PKP2: variants seen among roughly 807,000 people sequenced by gnomAD.
The protein encoded by PKP2 is plakophilin-2.
A neutral mutation model predicts 83.4 loss-of-function variants in PKP2; 73 were observed. The ratio of observed to expected loss-of-function variants is 0.88; its 90% CI spans 0.72 to 1.06. PKP2 has a LOEUF of 1.06. Ranked by LOEUF, PKP2 falls within the 50% of genes least tolerant of loss-of-function variation. The pLI, the probability that PKP2 is intolerant of heterozygous loss-of-function variation, is 0.00. For missense variants in PKP2, 966 were observed against 1,065.4 expected, an observed-to-expected ratio of 0.91 and a Z score of 1.30; for synonymous variants, 409 against 430.4, an observed-to-expected ratio of 0.95 and a Z score of 0.62.
Position 32,896,704 on chromosome 12 carries a change from A to G in PKP2, c.28T>C (p.Tyr10His), listed in dbSNP as rs1237779872. 2 of 1,500,812 alleles carry G rather than the reference A, an allele frequency of 1.3e-6. No homozygotes were observed. Among genetic ancestry groups the G allele is most frequent in the Non-Finnish European group, 8.8e-7 (1 of 1,130,372 alleles). The allele number at this position is 1,500,812 out of a possible 1,614,324, so 93.0% of individuals were successfully genotyped here. A position where few individuals can be genotyped will look rare whatever the true frequency, so the allele number is the denominator to read the frequency against. The change falls in exon 1 of 13, where the codon TAC (tyrosine) becomes CAC (histidine). Residue 10 changes from tyrosine (Y) to histidine (H), a missense_variant. Transcript: ENST00000340811. ...CCCAGGACGGTCCGGATGTAGCCGT[A>G]CTCAGCTGGGGCGCCGGGGGCTGCC... Reference protein sequence around the residue: MAAPGAPAEYGYIRTVLGQQ... With the variant: MAAPGAPAEHGYIRTVLGQQ...
At chr12:32,810,413 C>T (rs1956266408) in intron 9 of PKP2, among the ~76,000 whole-genome samples, 1 of 152,062 alleles carries the variant, frequency 6.6e-6, no homozygotes, top group Non-Finnish European at 1.5e-5. Flanking sequence ...CTGGTGACTT[C>T]ATTACCAGTC....
rs1488252846 is a variant in PKP2 at position 32,833,596 on chromosome 12, A to G, written c.1556+7432T>C. Among the ~76,000 whole-genome samples, 3 of 152,186 alleles carry G rather than the reference A, an allele frequency of 2.0e-5. No homozygotes were observed. In the East Asian group the frequency reaches 5.8e-4, roughly 29 times the overall value. ...ACTCCAGCTAGATTTCCAGTGTAAG[A>G]GACAATGAAAATTTCTTTTAAGAAT... is the stretch of plus-strand genomic sequence containing the variant. On this transcript the variant is annotated intron_variant, in intron 6 of 12. Coordinates refer to ENST00000340811, the MANE Select transcript of PKP2 (RefSeq NM_001005242.3).
chr12:32,795,385 T>TC (rs1041642779), intron 11 of PKP2, among the ~76,000 whole-genome samples: 1 of 151,962 alleles, frequency 6.6e-6, no homozygotes, highest in African/African-American at 2.4e-5. Context: ...TGCTTTTTTT[T>TC]TTTTTTCTTT....
At chr12:32,871,634 T>A (rs1260479510) in intron 3 of PKP2, among the ~76,000 whole-genome samples, 1 of 151,976 alleles carries the variant, frequency 6.6e-6, no homozygotes, top group Non-Finnish European at 1.5e-5. Flanking sequence ...CCCGGCTAAT[T>A]TTTCTATTTG....
At chr12:32,792,948 C>T (rs1956085215) in intron 11 of PKP2, 2 of 561,048 alleles carry the variant, frequency 3.6e-6, no homozygotes, top group South Asian at 3.9e-5. Flanking sequence ...TAGCACAGTG[C>T]TAATAAATAA....
At chr12:32,896,434 G>T in intron 1 of PKP2, 75 bp downstream of exon 1, 1 of 1,139,120 alleles carries the variant, frequency 8.8e-7, no homozygotes, top group Non-Finnish European at 1.2e-6. Flanking sequence ...CAGCACGCGG[G>T]GTGAGGGCGG....
At chr12:32,843,530 G>A (rs746202487) in intron 5 of PKP2, among the ~76,000 whole-genome samples, 2 of 152,184 alleles carry the variant, frequency 1.3e-5, no homozygotes, top group Non-Finnish European at 2.9e-5. Context: ...TAAACAGTTT[G>A]CTTCTGCTGT....
intron 8 of PKP2, 87 bp from the exon 9 acceptor site, chr12:32,821,616 G>T: frequency 1.5e-6 from 2 of 1,295,176 alleles, no homozygotes; most frequent in Non-Finnish European, 2.2e-6. Context: ...CAGAAATACT[G>T]TCTAGAAAGG....
chr12:32,826,894 G>A (rs1015848949), intron 6 of PKP2, among the ~76,000 whole-genome samples: 2 of 152,172 alleles, frequency 1.3e-5, no homozygotes, highest in Non-Finnish European at 2.9e-5. Flanking sequence ...GGAAAAGAGG[G>A]CTGTTCTTTA....
At position 32,878,655 on chromosome 12, in the gene PKP2, G is replaced by A. The variant is rs547691653; in HGVS notation, c.337-112C>T. The A allele has an allele frequency of 1.5e-4, 137 of 937,912 alleles. 2 individuals are homozygous for A. Among genetic ancestry groups the A allele is most frequent in the Non-Finnish European group, 2.2e-4 (135 of 615,620 alleles). 58.1% of individuals were successfully genotyped at this position (937,912 alleles called of 1,614,324 possible). On this transcript the variant is annotated intron_variant, in intron 2 of 12. Coordinates refer to ENST00000340811, the MANE Select transcript of PKP2 (RefSeq NM_001005242.3). ...ACATGTCCGTTTCTCTGAATCAGAT[G>A]ACGAGAAGTTTGCCCCTTTCTGGGT...
At chr12:32,809,861 C>T (rs917058321) in intron 9 of PKP2, among the ~76,000 whole-genome samples, 6 of 152,110 alleles carry the variant, frequency 3.9e-5, no homozygotes, top group African/African-American at 1.4e-4. Flanking sequence ...GGCCACTGAC[C>T]CACTCTGCTT....
chr12:32,819,825 C>A (rs532148258), intron 9 of PKP2, among the ~76,000 whole-genome samples: 2 of 151,430 alleles, frequency 1.3e-5, no homozygotes, highest in African/African-American at 2.4e-5. Flanking sequence ...AAAGGGTTAG[C>A]TTATATTGAA....
intron 5 of PKP2, among the ~76,000 whole-genome samples, chr12:32,850,438 A>T (rs1175350437): frequency 6.6e-6 from 1 of 151,990 alleles, no homozygotes; most frequent in Non-Finnish European, 1.5e-5. Flanking sequence ...GTGTGGTAGC[A>T]CATGCCTGTA....
intron 7 of PKP2, among the ~76,000 whole-genome samples, chr12:32,823,364 C>T (rs1248058113): frequency 7.0e-6 from 1 of 143,206 alleles, no homozygotes; most frequent in Non-Finnish European, 1.5e-5. Flanking sequence ...TTGCAGTGAG[C>T]TGAGATCGCA....
At chr12:32,848,905 C>A (rs529290873) in intron 5 of PKP2, among the ~76,000 whole-genome samples, 23 of 150,518 alleles carry the variant, frequency 1.5e-4, no homozygotes, top group African/African-American at 5.1e-4. Context: ...CTAAATGAAG[C>A]AGGTAGAAGA....
At chr12:32,837,335 T>C (rs1044631477) in intron 6 of PKP2, among the ~76,000 whole-genome samples, 1 of 152,214 alleles carries the variant, frequency 6.6e-6, no homozygotes, top group Non-Finnish European at 1.5e-5. Context: ...CATATGACTT[T>C]AGGAAAATCA....
intron 11 of PKP2, among the ~76,000 whole-genome samples, chr12:32,793,165 C>T (rs548454034): frequency 3.3e-5 from 5 of 151,976 alleles, no homozygotes; most frequent in Admixed American, 1.3e-4. Context: ...CACTTGAACC[C>T]GGGAGGCGGA....
chr12:32,869,118 C>T lies in PKP2; in HGVS notation c.1035-56G>A. Reference sequence around the variant, plus strand: ...TCCAAACCTCCCTCCTCCTGCCTACCAACCTGGTCCTCCAGAGACGACTCA... The same window carrying T: ...TCCAAACCTCCCTCCTCCTGCCTACTAACCTGGTCCTCCAGAGACGACTCA... On this transcript the variant is annotated intron_variant, in intron 3 of 12. Coordinates refer to ENST00000340811, the MANE Select transcript of PKP2 (RefSeq NM_001005242.3). 3.7e-6 allele frequency: 6 copies of T among 1,602,508 alleles called. No individual in the cohort carries two copies. In the Middle Eastern group the frequency reaches 8.3e-4, roughly 221 times the overall value.
rs794729131 is a variant in PKP2, at chr12:32,796,274, A to G, written c.2192T>C (p.Val731Ala). ...CGGGACTGTGTCAGGAATGATGGAA[A>G]CCAAATCAGGGAGAGTTTCTTTGGC... ...EIAKETLPDL[V>A]SIIPDTVPST... The change falls in exon 11 of 13, where the codon GTT becomes GCT. Residue 731 changes from valine (V) to alanine (A), a missense_variant. Transcript: ENST00000340811. 1.9e-6 allele frequency: 3 copies of G among 1,613,612 alleles called. No homozygotes were observed. The highest frequency in any genetic ancestry group is 1.7e-5 in the Admixed American group (1 of 60,004).
Sources: allele counts gnomAD v4.1 joint callset (sites outside exome capture counted in the v4.1 genomes callset), GRCh38; gene constraint gnomAD v4.1.1; transcripts MANE v1.5; gene names NCBI Gene and HGNC (gene_info 2026-07-23, HGNC 2026-07-21).